The following EML4 variants were observed in gnomAD, a reference collection of about 807,000 sequenced individuals.
EML4 encodes echinoderm microtubule-associated protein-like 4.
Under a neutral mutation model 129.0 loss-of-function variants are expected in EML4, and 72 were observed. The ratio of observed to expected loss-of-function variants is 0.56; its 90% confidence interval spans 0.46 to 0.68. The LOEUF is 0.68. EML4 is among the 30% of genes least tolerant of loss of function. The pLI, the probability that EML4 is intolerant of heterozygous loss-of-function variation, is 0.00. For missense variants in EML4, 1,363 were observed against 1,190.6 expected, an observed-to-expected ratio of 1.14 and a Z score of -2.13; for synonymous variants, 532 against 405.0, an observed-to-expected ratio of 1.31 and a Z score of -3.77.
At chr2:42,201,163 A>G (rs909072119) in intron 1 of EML4, among the ~76,000 whole-genome samples, 1 of 152,234 alleles carries the variant, frequency 6.6e-6, no homozygotes, top group African/African-American at 2.4e-5. Context: ...CTAGCTGGAA[A>G]TTAACTCTGA....
intron 6 of EML4, among the ~76,000 whole-genome samples, chr2:42,268,728 G>A (rs576197236): frequency 1.1e-4 from 16 of 152,250 alleles, no homozygotes; most frequent in South Asian, 4.1e-4. Context: ...GTGAGCCGCC[G>A]CACCTGGCCT....
At chr2:42,174,901 T>G (rs1440943819) in intron 1 of EML4, among the ~76,000 whole-genome samples, 1 of 151,514 alleles carries the variant, frequency 6.6e-6, no homozygotes. Flanking sequence ...CACTGCAGCC[T>G]CCGCCTCCCG....
intron 21 of EML4, among the ~76,000 whole-genome samples, chr2:42,327,659 T>C (rs903688847): frequency 2.0e-5 from 3 of 152,226 alleles, no homozygotes; most frequent in African/African-American, 7.2e-5. Context: ...ATGACTGTTT[T>C]CTAAGCCTTC....
At chr2:42,176,335 A>C (rs772063422) in intron 1 of EML4, among the ~76,000 whole-genome samples, 1 of 152,068 alleles carries the variant, frequency 6.6e-6, no homozygotes, top group Non-Finnish European at 1.5e-5. Flanking sequence ...GAGAATCTCC[A>C]CCTGTCCAGT....
intron 2 of EML4, among the ~76,000 whole-genome samples, chr2:42,247,875 T>TAA (rs1232902300): frequency 6.6e-6 from 1 of 152,176 alleles, no homozygotes; most frequent in African/African-American, 2.4e-5. Context: ...TTCCTATATA[T>TAA]AATATACAGA....
rs763272462 is a variant in EML4 at position 42,282,947 on chromosome 2, C to G, written c.916C>G (p.Leu306Val). ...TGAGGAGAGAACTCAGCGACACTACCTGGGCCATACAGACTGTGTGAAATG... is the reference window on the plus strand; with the variant it reads ...TGAGGAGAGAACTCAGCGACACTACGTGGGCCATACAGACTGTGTGAAATG... ...NYEERTQRHYLGHTDCVKCLA... is the reference protein window; with the variant it reads ...NYEERTQRHYVGHTDCVKCLA... Residue 306 changes from leucine (L) to valine (V), a missense_variant, in exon 8 of 23, where the codon CTG (leucine) becomes GTG (valine). Leu to Val is a conservative substitution (Grantham distance 32). Transcript: ENST00000318522. 31 of 1,613,506 alleles carry G rather than the reference C, an allele frequency of 1.9e-5. No individual in the cohort carries two copies. Among genetic ancestry groups the G allele is most frequent in the Non-Finnish European group, 2.5e-5 (29 of 1,179,776 alleles).
chr2:42,264,119 T>G (rs1290585319), intron 5 of EML4, among the ~76,000 whole-genome samples: 5 of 145,018 alleles, frequency 3.4e-5, no homozygotes, highest in South Asian at 2.3e-4. Context: ...TTTTTTTTTT[T>G]TTTTTTTTTT....
At chr2:42,176,997 TGGCC>T (rs1670644617) in intron 1 of EML4, among the ~76,000 whole-genome samples, 1 of 152,134 alleles carries the variant, frequency 6.6e-6, no homozygotes, top group Non-Finnish European at 1.5e-5. Flanking sequence ...TTCACCATGT[TGGCC>T]AGGCCTGTCT....
chr2:42,242,524 A>G (rs996639383), intron 1 of EML4, among the ~76,000 whole-genome samples: 2 of 152,034 alleles, frequency 1.3e-5, no homozygotes, highest in African/African-American at 2.4e-5. Context: ...TGGAGAACCA[A>G]GGTGGATGGG....
intron 1 of EML4, among the ~76,000 whole-genome samples, chr2:42,178,232 C>T (rs1419136147): frequency 6.6e-6 from 1 of 152,080 alleles, no homozygotes; most frequent in South Asian, 2.1e-4. Context: ...CCTTGCAAAT[C>T]AATTCTTTAC....
intron 17 of EML4, 107 bp from the exon 18 acceptor site, chr2:42,315,855 G>GATA: frequency 1.3e-6 from 1 of 769,162 alleles, no homozygotes; most frequent in Non-Finnish European, 2.2e-6. Flanking sequence ...GCACACCAGC[G>GATA]TTATGACAAA....
At chr2:42,319,230 T>C (rs1420561248) in intron 19 of EML4, among the ~76,000 whole-genome samples, 1 of 152,206 alleles carries the variant, frequency 6.6e-6, no homozygotes, top group African/African-American at 2.4e-5. Flanking sequence ...GACTTTCCAA[T>C]GTACAGTAAT....
chr2:42,202,709 G>C (rs1672303854), intron 1 of EML4, among the ~76,000 whole-genome samples: 2 of 152,090 alleles, frequency 1.3e-5, no homozygotes, highest in Non-Finnish European at 2.9e-5. Context: ...GCTGGCAGCT[G>C]ATTAGATTGT....
chr2:42,176,434 T>C (rs534787718), intron 1 of EML4, among the ~76,000 whole-genome samples: 1 of 152,372 alleles, frequency 6.6e-6, no homozygotes, highest in East Asian at 1.9e-4. Context: ...ATTGCTTTAA[T>C]GACTACATTC....
intron 1 of EML4, among the ~76,000 whole-genome samples, chr2:42,184,999 T>C (rs552219414): frequency 5.9e-5 from 9 of 152,338 alleles, no homozygotes; most frequent in African/African-American, 2.2e-4. Flanking sequence ...TCTTTAACTT[T>C]TTGTTTTTAT....
At chr2:42,186,644 T>C (rs1671264696) in intron 1 of EML4, among the ~76,000 whole-genome samples, 1 of 152,192 alleles carries the variant, frequency 6.6e-6, no homozygotes, top group African/African-American at 2.4e-5. Flanking sequence ...TCTGCTCCTT[T>C]GGGGATTTGT....
At chr2:42,301,142 GATT>G (rs1244672772) in intron 13 of EML4, 96 bp from the exon 14 acceptor site, 2 of 1,029,204 alleles carry the variant, frequency 1.9e-6, no homozygotes, top group Admixed American at 3.0e-5. Flanking sequence ...TGAACTTTCT[GATT>G]ATTAACTCTA....
chr2:42,268,172 C>G (rs1047479536), intron 6 of EML4, among the ~76,000 whole-genome samples: 1 of 152,036 alleles, frequency 6.6e-6, no homozygotes, highest in Non-Finnish European at 1.5e-5. Flanking sequence ...GACCTGCATT[C>G]GAAATATTAA....
intron 1 of EML4, among the ~76,000 whole-genome samples, chr2:42,241,880 G>C (rs1441943519): frequency 6.7e-6 from 1 of 150,302 alleles, no homozygotes; most frequent in Admixed American, 6.6e-5. Flanking sequence ...GTGTCGGGGG[G>C]GGGAAGCTGA....
Sources: allele counts gnomAD v4.1 joint callset (sites outside exome capture counted in the v4.1 genomes callset), GRCh38; gene constraint gnomAD v4.1.1; transcripts MANE v1.5; gene names NCBI Gene and HGNC (gene_info 2026-07-23, HGNC 2026-07-21).